Variants in CFAP221 observed in about 807,000 individuals in gnomAD.
The protein encoded by CFAP221 is cilia and flagella associated protein 221.
Under a neutral mutation model 113.1 loss-of-function variants are expected in CFAP221, and 97 were observed. That is an observed-to-expected ratio of 0.86 (90% CI 0.73 to 1.02). The LOEUF is 1.02. Ranked by LOEUF, CFAP221 falls within the 50% of genes least tolerant of loss-of-function variation. The probability of loss-of-function intolerance (pLI) is 0.00; values close to 1 mark genes in which losing one functional copy is unlikely to be tolerated. For missense variants in CFAP221, 1,025 were observed against 1,013.4 expected (o/e 1.01, Z -0.16); for synonymous variants, 331 against 354.4 (o/e 0.93, Z 0.74).
chr2:119,652,836 TTA>T (rs1445401066), intron 23 of CFAP221, among the ~76,000 whole-genome samples: 1 of 151,162 alleles, frequency 6.6e-6, no homozygotes, highest in Non-Finnish European at 1.5e-5. Flanking sequence ...TGCCTTTATA[TTA>T]TGTTAAAAAT....
intron 7 of CFAP221, among the ~76,000 whole-genome samples, chr2:119,592,178 C>T (rs1050054488): frequency 8.6e-5 from 13 of 151,988 alleles, no homozygotes; most frequent in African/African-American, 2.9e-4. Flanking sequence ...TGCAGAGACA[C>T]GGAAAACTAC....
chr2:119,599,306 A>G (rs1684206806), intron 7 of CFAP221, among the ~76,000 whole-genome samples: 1 of 152,198 alleles, frequency 6.6e-6, no homozygotes, highest in Admixed American at 6.5e-5. Context: ...ACATCAAGGG[A>G]ACGCGAGTTC....
intron 14 of CFAP221, among the ~76,000 whole-genome samples, chr2:119,624,746 C>T (rs759050888): frequency 6.0e-4 from 92 of 152,116 alleles, no homozygotes; most frequent in Non-Finnish European, 1.1e-3. Flanking sequence ...TAGAAATCAT[C>T]ATTCTTAGCA....
At chr2:119,597,577 A>G (rs1684072525) in intron 7 of CFAP221, among the ~76,000 whole-genome samples, 1 of 152,234 alleles carries the variant, frequency 6.6e-6, no homozygotes. Context: ...GAGGGTGTCC[A>G]GGTTCTTGGC....
chr2:119,584,170 AAACTGACT>A (rs370426213), intron 6 of CFAP221, among the ~76,000 whole-genome samples: 203 of 152,340 alleles, frequency 1.3e-3, no homozygotes, highest in African/African-American at 4.6e-3. Context: ...ATGATTGATA[AAACTGACT>A]ACCTTAAAAT....
At chr2:119,650,974 T>C (rs143085356) in intron 22 of CFAP221, among the ~76,000 whole-genome samples, 1 of 152,350 alleles carries the variant, frequency 6.6e-6, no homozygotes, top group East Asian at 1.9e-4. Flanking sequence ...ATTTCTCTAA[T>C]TGAGTGTGGT....
chr2:119,579,153 A>G (rs1393736804), intron 6 of CFAP221, among the ~76,000 whole-genome samples: 1 of 152,158 alleles, frequency 6.6e-6, no homozygotes, highest in Admixed American at 6.5e-5. Context: ...TTAAATAATA[A>G]GGTAAGAGGG....
At chr2:119,605,052 A>C in intron 10 of CFAP221, 65 bp downstream of exon 10, 1 of 1,522,980 alleles carries the variant, frequency 6.6e-7, no homozygotes, top group Non-Finnish European at 9.1e-7. Context: ...TGCTGGTCAC[A>C]CTGATTACCT....
At chr2:119,550,712 GCTTT>G (rs1453273696) in intron 3 of CFAP221, among the ~76,000 whole-genome samples, 1 of 152,082 alleles carries the variant, frequency 6.6e-6, no homozygotes, top group East Asian at 1.9e-4. Flanking sequence ...TGCTCCTTAT[GCTTT>G]CTTTCTTTTC....
In CFAP221 at chr2:119,610,997, C is replaced by G. The variant is rs566757360; in HGVS notation, c.1222-656C>G. On this transcript the variant is annotated intron_variant, in intron 12 of 23. Coordinates refer to ENST00000413369, the MANE Select transcript of CFAP221 (RefSeq NM_001271049.2). ...AAGGGCCCAGGCGTCATCAGGGAAG[C>G]AGGCAGGTGAAGGAAGGAGAGCAGT... Among the ~76,000 whole-genome samples, 30 of 152,196 alleles carry G rather than the reference C, an allele frequency of 2.0e-4. No homozygotes were observed. In the South Asian group the frequency reaches 6.2e-3, roughly 32 times the overall value.
At chr2:119,545,277 A>G (rs1171655514) in intron 1 of CFAP221, 2 of 152,260 alleles carry the variant, frequency 1.3e-5, no homozygotes, top group African/African-American at 2.4e-5. Context: ...CCCCAAGTTA[A>G]GAGATTTAGT....
intron 6 of CFAP221, among the ~76,000 whole-genome samples, chr2:119,585,628 C>A (rs1339259521): frequency 6.6e-6 from 1 of 152,038 alleles, no homozygotes; most frequent in South Asian, 2.1e-4. Context: ...TGAAATATTT[C>A]ACAGATTTTT....
chr2:119,645,800 G>A (rs1010813022), intron 21 of CFAP221, among the ~76,000 whole-genome samples: 2 of 152,064 alleles, frequency 1.3e-5, no homozygotes, highest in East Asian at 1.9e-4. Context: ...TGGGCTCCAG[G>A]CTCTGTCATT....
In CFAP221 at chr2:119,562,033, T is replaced by A; in HGVS notation, c.446T>A (p.Val149Asp). ...TTTTAGGGAGATGACACTTTGCTTGTTCCTATTCATGCCTATCCAGTCATG... is the reference window on the plus strand; with the variant it reads ...TTTTAGGGAGATGACACTTTGCTTGATCCTATTCATGCCTATCCAGTCATG... ...VHCKGDDTLL[V>D]PIHAYPVMNS... Residue 149 changes from valine to aspartate, a missense_variant, in exon 6 of 24, where the codon GTT (valine) becomes GAT (aspartate). Val to Asp is a radical substitution (Grantham distance 152, BLOSUM62 -3). Transcript: ENST00000413369. 2 of 1,534,800 alleles carry A rather than the reference T, an allele frequency of 1.3e-6. No individual in the cohort carries two copies. Among genetic ancestry groups the A allele is most frequent in the Non-Finnish European group, 1.7e-6 (2 of 1,146,280 alleles).
chr2:119,588,625 T>C (rs190488996), intron 7 of CFAP221, among the ~76,000 whole-genome samples: 1 of 152,330 alleles, frequency 6.6e-6, no homozygotes, highest in East Asian at 1.9e-4. Context: ...GCTCAGATTA[T>C]AAAATGCAGG....
At chr2:119,638,444 A>G in intron 20 of CFAP221, 27 bp downstream of exon 20, 1 of 1,613,308 alleles carries the variant, frequency 6.2e-7, no homozygotes, top group South Asian at 1.1e-5. Context: ...GCTCACTGGC[A>G]GAGTGACCCT....
At chr2:119,658,838 A>C (rs1688532466), downstream of CFAP221, among the ~76,000 whole-genome samples, 1 of 151,948 alleles carries the variant, frequency 6.6e-6, no homozygotes, top group Non-Finnish European at 1.5e-5. Flanking sequence ...AAAATACAGA[A>C]AATTTAGCCA....
chr2:119,641,941 G>C (rs145663817), intron 21 of CFAP221, among the ~76,000 whole-genome samples: 1 of 152,162 alleles, frequency 6.6e-6, no homozygotes, highest in Non-Finnish European at 1.5e-5. Flanking sequence ...AGCGTGTACC[G>C]TTCTTGAGAA....
intron 6 of CFAP221, chr2:119,572,642 A>C (rs1682149491): frequency 1.5e-6 from 1 of 687,034 alleles, no homozygotes; most frequent in East Asian, 2.7e-5. Context: ...TCCTTGCACC[A>C]AGATGACTTT....
Sources: gnomAD v4.1 joint callset for allele counts (sites outside exome capture counted in the v4.1 genomes callset) on GRCh38, gnomAD v4.1.1 for gene constraint, MANE v1.5 for transcripts, NCBI Gene and HGNC (gene_info 2026-07-23, HGNC 2026-07-21) for gene names.